BMPR2: variants seen among roughly 807,000 people sequenced by gnomAD.
BMPR2 encodes bone morphogenetic protein receptor type 2.
BMPR2 carries 29 observed loss-of-function variants against 100.8 expected under a neutral mutation model. That is an observed-to-expected ratio of 0.29 (90% confidence interval 0.21 to 0.39). BMPR2 has a LOEUF of 0.39. Among genes scored for constraint, BMPR2 ranks in the 10% least tolerant of loss-of-function variants. BMPR2 has a pLI of 1.00. For synonymous variants in BMPR2, 382 were observed against 442.3 expected, an observed-to-expected ratio of 0.86 and a Z score of 1.71; for missense variants, 1,011 against 1,274.5, an observed-to-expected ratio of 0.79 and a Z score of 3.15.
chr2:202,501,318 GC>G (rs1687386001), intron 3 of BMPR2, among the ~76,000 whole-genome samples: 1 of 152,184 alleles, frequency 6.6e-6, no homozygotes, highest in African/African-American at 2.4e-5. Flanking sequence ...CCTGGATACA[GC>G]GAGATAGCCA....
At chr2:202,455,977 A>G (rs1262577542) in intron 1 of BMPR2, among the ~76,000 whole-genome samples, 2 of 136,838 alleles carry the variant, frequency 1.5e-5, no homozygotes, top group Non-Finnish European at 3.1e-5. Flanking sequence ...AGGCAGGAGA[A>G]TGGTGTGAAC....
rs1408481626 is a variant in BMPR2 at position 202,513,373 on chromosome 2, G to A, written c.419-346G>A. Among the ~76,000 whole-genome samples, 4 of 152,222 alleles carry A rather than the reference G, an allele frequency of 2.6e-5. No homozygotes were observed. In the East Asian group the frequency reaches 7.7e-4, roughly 29 times the overall value. On this transcript the variant is annotated intron_variant, in intron 3 of 12. Transcript: ENST00000374580. ...TACTATTTTTATAAATGAGGAAATT[G>A]AGGATTTAAAACCAAATGTGATTCT... is the stretch of plus-strand genomic sequence containing the variant.
At chr2:202,380,921 G>T (rs1690271630) in intron 1 of BMPR2, among the ~76,000 whole-genome samples, 1 of 104,776 alleles carries the variant, frequency 9.5e-6, no homozygotes. Context: ...GCCTGGCCCT[G>T]GCCCTGGCCC....
chr2:202,451,075 C>T lies in BMPR2; in HGVS notation c.77-13734C>T, dbSNP rs75157431. 6.2e-3 allele frequency among the ~76,000 whole-genome samples: 947 copies of T among 152,270 alleles called. 13 individuals are homozygous for T. The highest frequency in any genetic ancestry group is 0.021 in the African/African-American group (884 of 41,538). Reference sequence around the variant, plus strand: ...ACTTCATTCCAGGGTAAAGATAAGACATTTAGACTTCTCCAGTACAGATAA... The same window carrying T: ...ACTTCATTCCAGGGTAAAGATAAGATATTTAGACTTCTCCAGTACAGATAA... On this transcript the variant is annotated intron_variant, in intron 1 of 12. Transcript: ENST00000374580.
chr2:202,423,975 A>C (rs1013376931), intron 1 of BMPR2, among the ~76,000 whole-genome samples: 4 of 147,870 alleles, frequency 2.7e-5, no homozygotes, highest in African/African-American at 9.9e-5. Flanking sequence ...TGGGAGGCTG[A>C]GGCGTGAGAA....
At chr2:202,523,667 G>T (rs1475539035) in intron 7 of BMPR2, among the ~76,000 whole-genome samples, 2 of 152,140 alleles carry the variant, frequency 1.3e-5, no homozygotes, top group Non-Finnish European at 2.9e-5. Context: ...AGCCGGGGGT[G>T]GTGGTGCATG....
intron 3 of BMPR2, among the ~76,000 whole-genome samples, chr2:202,506,763 G>C (rs1447498464): frequency 6.6e-6 from 1 of 152,084 alleles, no homozygotes; most frequent in Non-Finnish European, 1.5e-5. Context: ...AGTTGGGCGT[G>C]GTGGCATGTG....
intron 9 of BMPR2, among the ~76,000 whole-genome samples, chr2:202,534,835 G>C (rs182249215): frequency 0.074 from 11,105 of 149,234 alleles, 575 homozygotes; most frequent in Admixed American, 0.11. Context: ...CGGACGGGGC[G>C]GCTGGCCAGG....
chr2:202,497,976 A>G (rs1693078440), intron 3 of BMPR2, among the ~76,000 whole-genome samples: 1 of 152,194 alleles, frequency 6.6e-6, no homozygotes, highest in African/African-American at 2.4e-5. Flanking sequence ...AACAAAAGCT[A>G]TTCCTGAAGC....
chr2:202,504,642 T>C (rs939555129), intron 3 of BMPR2, among the ~76,000 whole-genome samples: 1 of 151,374 alleles, frequency 6.6e-6, no homozygotes, highest in Non-Finnish European at 1.5e-5. Context: ...AAGAAGATAA[T>C]ATTTTTTTAA....
At chr2:202,427,037 T>C (rs558493001) in intron 1 of BMPR2, among the ~76,000 whole-genome samples, 2 of 152,324 alleles carry the variant, frequency 1.3e-5, no homozygotes, top group South Asian at 4.1e-4. Context: ...CGTGGTATAT[T>C]TAGATGGAAT....
rs1691595537 is a variant in BMPR2 at position 202,435,379 on chromosome 2, A to ACG, written c.77-29430_77-29429insCG. Among the ~76,000 whole-genome samples the ACG allele has an allele frequency of 4.3e-5, 2 of 46,562 alleles. 1 individual carries two copies. The highest frequency in any genetic ancestry group is 2.4e-4 in the African/African-American group (2 of 8,414). 30.5% of individuals were successfully genotyped at this position (46,562 alleles called of 152,430 possible). A position where few individuals can be genotyped will look rare whatever the true frequency, so the allele number is the denominator to read the frequency against. On this transcript the variant is annotated intron_variant, in intron 1 of 12. Transcript: ENST00000374580. ...ATCCTGTCTCAAAAAAAAAATACAT[A>ACG]TATATATATATATATATATATATAT...
intron 3 of BMPR2, among the ~76,000 whole-genome samples, chr2:202,492,688 G>A (rs1381550249): frequency 6.8e-5 from 7 of 102,756 alleles, no homozygotes; most frequent in South Asian, 3.5e-4. Flanking sequence ...CGACAATAGC[G>A]AAGCTCTGTC....
intron 2 of BMPR2, among the ~76,000 whole-genome samples, chr2:202,465,828 G>A (rs536786822): frequency 1.3e-5 from 2 of 152,278 alleles, no homozygotes; most frequent in Admixed American, 6.5e-5. Flanking sequence ...ACTCCAGCCT[G>A]GGCGACAGAG....
intron 1 of BMPR2, among the ~76,000 whole-genome samples, chr2:202,440,462 A>G (rs1691715069): frequency 6.7e-6 from 1 of 148,160 alleles, no homozygotes; most frequent in South Asian, 2.1e-4. Context: ...TGCCGGGAAG[A>G]GGCGCTCCTC....
At chr2:202,518,779 C>A in intron 5 of BMPR2, 43 bp from the exon 6 acceptor site, 2 of 1,465,144 alleles carry the variant, frequency 1.4e-6, no homozygotes, top group South Asian at 1.1e-5. Flanking sequence ...TTTGATTGTT[C>A]AATTGTGATA....
chr2:202,440,376 G>A lies in BMPR2; in HGVS notation c.77-24433G>A, dbSNP rs964280060. Among the ~76,000 whole-genome samples the A allele has an allele frequency of 4.7e-5, 7 of 148,176 alleles. No homozygotes were observed. In the East Asian group the frequency reaches 9.9e-4, roughly 21 times the overall value. ...CTCCTCACATCCCAGACGGGGCGGC[G>A]GGGCAGAGGCGCTCCCCACATCTCA... On this transcript the variant is annotated intron_variant, in intron 1 of 12. Coordinates refer to ENST00000374580, the MANE Select transcript of BMPR2 (RefSeq NM_001204.7).
At chr2:202,476,483 G>T (rs1332855542) in intron 3 of BMPR2, among the ~76,000 whole-genome samples, 1 of 152,122 alleles carries the variant, frequency 6.6e-6, no homozygotes, top group Non-Finnish European at 1.5e-5. Context: ...TGAGTAACAA[G>T]CATCTTTAAA....
At chr2:202,413,395 A>G (rs1691053581) in intron 1 of BMPR2, among the ~76,000 whole-genome samples, 1 of 152,236 alleles carries the variant, frequency 6.6e-6, no homozygotes, top group African/African-American at 2.4e-5. Context: ...GTTGAGTGTC[A>G]GTGCATCAAC....
Sources: gnomAD v4.1 joint callset for allele counts (sites outside exome capture counted in the v4.1 genomes callset) on GRCh38, gnomAD v4.1.1 for gene constraint, MANE v1.5 for transcripts, NCBI Gene and HGNC (gene_info 2026-07-23, HGNC 2026-07-21) for gene names.